Variants in COG3 observed in about 807,000 individuals in gnomAD.
COG3 encodes the protein conserved oligomeric Golgi complex subunit 3.
Under a neutral mutation model 114.1 loss-of-function variants are expected in COG3, and 32 were observed. The ratio of observed to expected loss-of-function variants is 0.28; its 90% CI spans 0.21 to 0.38. The LOEUF (loss-of-function observed/expected upper bound fraction) is 0.38, where lower values mean the gene tolerates loss of function less well. COG3 is among the 10% of genes least tolerant of loss of function. The probability of loss-of-function intolerance (pLI) is 1.00; values close to 1 mark genes in which losing one functional copy is unlikely to be tolerated. For synonymous variants in COG3, 352 were observed against 365.7 expected (o/e 0.96, Z 0.43); for missense variants, 813 against 973.2 (o/e 0.84, Z 2.19).
intron 17 of COG3, among the ~76,000 whole-genome samples, 158 bp from the exon 18 acceptor site, chr13:45,518,604 A>G (rs1000864801): frequency 1.3e-5 from 2 of 152,240 alleles, no homozygotes; most frequent in African/African-American, 4.8e-5. Context: ...TACTGTAGCC[A>G]TCACTGGTGC....
chr13:45,529,731 A>G (rs1873001344), intron 20 of COG3, 60 bp from the exon 21 acceptor site: 2 of 1,336,380 alleles, frequency 1.5e-6, no homozygotes, highest in Non-Finnish European at 2.1e-6. Flanking sequence ...CCTTTGAATT[A>G]AAATGGAAAT....
At chr13:45,477,399 T>A (rs1299202759) in intron 2 of COG3, among the ~76,000 whole-genome samples, 1 of 152,236 alleles carries the variant, frequency 6.6e-6, no homozygotes, top group East Asian at 1.9e-4. Context: ...TTATAATTTA[T>A]GTACAATAAA....
rs1873482267 is a variant in COG3, at chr13:45,535,373, A to G, written c.*642A>G. 2.0e-6 allele frequency: 2 copies of G among 985,446 alleles called. No individual in the cohort carries two copies. The highest frequency in any genetic ancestry group is 4.7e-5 in the South Asian group (1 of 21,284). The allele number at this position is 985,446 out of a possible 1,614,324, so 61.0% of individuals were successfully genotyped here. A position where few individuals can be genotyped will look rare whatever the true frequency, so the allele number is the denominator to read the frequency against. On this transcript the variant is annotated 3_prime_UTR_variant, in exon 23 of 23. Transcript: ENST00000349995. ...AAGCTCCAGCATCTGTGCCCCTTGA[A>G]TTGCTTAGGTGCAGACAGTTCTAAA... is the stretch of plus-strand genomic sequence containing the variant.
In COG3 at chr13:45,493,496, T is replaced by G; in HGVS notation, c.1327+10T>G. On this transcript the variant is annotated intron_variant, in intron 12 of 22. Coordinates refer to ENST00000349995, the MANE Select transcript of COG3 (RefSeq NM_031431.4). Reference sequence around the variant, plus strand: ...CATGTGCAGAACAATGGTAAATGAGTAGAAATGATCATTTTAAGTTATATC... The same window carrying G: ...CATGTGCAGAACAATGGTAAATGAGGAGAAATGATCATTTTAAGTTATATC... 3.1e-6 allele frequency: 5 copies of G among 1,606,752 alleles called. No homozygotes were observed. Among genetic ancestry groups the G allele is most frequent in the South Asian group, 1.1e-5 (1 of 90,058 alleles).
intron 8 of COG3, among the ~76,000 whole-genome samples, chr13:45,488,914 G>A (rs559360280): frequency 6.6e-6 from 1 of 152,134 alleles, no homozygotes; most frequent in African/African-American, 2.4e-5. Context: ...ATGGCTGGGT[G>A]CAGTGGCTCA....
chr13:45,469,010 A>G (rs1885312963), intron 1 of COG3, among the ~76,000 whole-genome samples: 1 of 152,268 alleles, frequency 6.6e-6, no homozygotes, highest in Admixed American at 6.5e-5. Flanking sequence ...GTTATTAAAA[A>G]GCAACTTGTT....
chr13:45,513,166 C>T (rs1186036557), intron 16 of COG3, among the ~76,000 whole-genome samples: 4 of 145,604 alleles, frequency 2.7e-5, no homozygotes, highest in African/African-American at 7.6e-5. Flanking sequence ...GATTTATAAA[C>T]GTGACTTTTA....
At chr13:45,510,987 C>G (rs1870796423) in intron 15 of COG3, among the ~76,000 whole-genome samples, 1 of 152,054 alleles carries the variant, frequency 6.6e-6, no homozygotes. Context: ...AGACCAGGGC[C>G]CAGGACAGTG....
chr13:45,526,076 A>ATTTTTTTTTTTTTTTT lies in COG3; in HGVS notation c.2230+1040_2230+1055dup, dbSNP rs386379016. On this transcript the variant is annotated intron_variant, in intron 20 of 22. Coordinates refer to ENST00000349995, the MANE Select transcript of COG3 (RefSeq NM_031431.4). ...GCTATTCAAAGCCTCCAAAATTTTA[A>ATTTTTTTTTTTTTTTT]TTTTTTTTTTTTTTTTTTTTTTTTT... is the stretch of plus-strand genomic sequence containing the variant. 3.5e-4 allele frequency among the ~76,000 whole-genome samples: 20 copies of ATTTTTTTTTTTTTTTT among 56,582 alleles called. 2 individuals carry two copies. Among genetic ancestry groups the ATTTTTTTTTTTTTTTT allele is most frequent in the Admixed American group, 6.4e-4 (2 of 3,102 alleles). The allele number at this position is 56,582 out of a possible 152,430, so 37.1% of individuals were successfully genotyped here.
intron 3 of COG3, 22 bp downstream of exon 3, chr13:45,479,088 G>A (rs1886089588): frequency 6.5e-7 from 1 of 1,532,108 alleles, no homozygotes; most frequent in Non-Finnish European, 8.9e-7. Context: ...TCTTGCATTT[G>A]TTGAATATCT....
At chr13:45,516,396 G>T in intron 17 of COG3, 133 bp downstream of exon 17, 1 of 698,040 alleles carries the variant, frequency 1.4e-6, no homozygotes, top group Non-Finnish European at 2.1e-6. Flanking sequence ...TTATTTGTTC[G>T]TACTAAGCTG....
intron 15 of COG3, among the ~76,000 whole-genome samples, chr13:45,510,885 G>T (rs774346310): frequency 3.9e-5 from 6 of 152,250 alleles, no homozygotes; most frequent in Non-Finnish European, 7.3e-5. Context: ...CCAGCAGGTG[G>T]CAGCTCTAAT....
rs781679285 is a variant in COG3 at position 45,535,440 on chromosome 13, C to CAT, written c.*709_*710insAT. The stretch of plus-strand genomic sequence containing the variant: ...TTCTCATCATAGATACGTGCAGTAT[C>CAT]TTTAATGAGTATCTTCATGGTATGA... On this transcript the variant is annotated 3_prime_UTR_variant, in exon 23 of 23. Transcript: ENST00000349995. 6 of 985,292 alleles carry CAT rather than the reference C, an allele frequency of 6.1e-6. No individual in the cohort carries two copies. Among genetic ancestry groups the CAT allele is most frequent in the Non-Finnish European group, 6.0e-6 (5 of 829,944 alleles). 61.0% of individuals were successfully genotyped at this position (985,292 alleles called of 1,614,324 possible).
rs1053330481 is a variant in COG3 at position 45,522,527 on chromosome 13, G to A, written c.2155-2449G>A. On this transcript the variant is annotated intron_variant, in intron 19 of 22. Coordinates refer to ENST00000349995, the MANE Select transcript of COG3 (RefSeq NM_031431.4). ...ATCTTTATTTGACAGGTTGAGAAAT[G>A]GGTTGAGTATTCATGAGATAAGCAT... Among the ~76,000 whole-genome samples the A allele has an allele frequency of 6.6e-5, 10 of 152,224 alleles. No individual in the cohort carries two copies. In the East Asian group the frequency reaches 1.9e-3, roughly 29 times the overall value.
chr13:45,483,082 A>G (rs1886352952), intron 6 of COG3, 148 bp from the exon 7 acceptor site: 1 of 540,476 alleles, frequency 1.9e-6, no homozygotes, highest in Non-Finnish European at 3.2e-6. Flanking sequence ...CACAGTATTT[A>G]TTCATCTTCA....
At chr13:45,483,976 T>C (rs754759185) in intron 7 of COG3, among the ~76,000 whole-genome samples, 3 of 152,176 alleles carry the variant, frequency 2.0e-5, no homozygotes, top group African/African-American at 7.2e-5. Flanking sequence ...AATTAGTTAA[T>C]TATGGATTGT....
intron 14 of COG3, among the ~76,000 whole-genome samples, chr13:45,506,085 T>C (rs757021385): frequency 6.6e-6 from 1 of 152,012 alleles, no homozygotes; most frequent in Non-Finnish European, 1.5e-5. Context: ...TTTTAAAATG[T>C]GACGTTTTAC....
intron 12 of COG3, among the ~76,000 whole-genome samples, chr13:45,495,063 C>G (rs67859294): frequency 0.16 from 22,854 of 147,254 alleles, 2,905 homozygotes; most frequent in African/African-American, 0.35. Context: ...CCAGGATGGT[C>G]TCGATCTCTT....
intron 14 of COG3, among the ~76,000 whole-genome samples, chr13:45,506,089 G>A (rs765436906): frequency 1.3e-5 from 2 of 151,914 alleles, no homozygotes; most frequent in Admixed American, 6.6e-5. Flanking sequence ...AAAATGTGAC[G>A]TTTTACTGTG....
Sources: allele counts gnomAD v4.1 joint callset (sites outside exome capture counted in the v4.1 genomes callset), GRCh38; gene constraint gnomAD v4.1.1; transcripts MANE v1.5; gene names NCBI Gene and HGNC (gene_info 2026-07-23, HGNC 2026-07-21).